UXS1: variants seen among roughly 807,000 people sequenced by gnomAD.
UXS1 encodes UDP-glucuronate decarboxylase 1.
A neutral mutation model predicts 62.6 loss-of-function variants in UXS1; 33 were observed. The observed-to-expected ratio is 0.53, with a 90% CI of 0.40 to 0.70. UXS1 has a LOEUF of 0.70. Ranked by LOEUF, UXS1 falls within the 30% of genes least tolerant of loss-of-function variation. UXS1 has a pLI of 0.00. For synonymous variants in UXS1, 213 were observed against 206.8 expected (o/e 1.03, Z -0.26); for missense variants, 434 against 556.3 (o/e 0.78, Z 2.21).
intron 1 of UXS1, among the ~76,000 whole-genome samples, chr2:106,171,133 C>T (rs990231438): frequency 6.6e-6 from 1 of 152,122 alleles, no homozygotes; most frequent in African/African-American, 2.4e-5. Context: ...CTTCATAGTT[C>T]TCATTATGTT....
At chr2:106,123,123 T>C in intron 8 of UXS1, 32 bp from the exon 9 acceptor site, 1 of 1,612,390 alleles carries the variant, frequency 6.2e-7, no homozygotes. Flanking sequence ...ACTGTTTTCA[T>C]CTTTCCTTTT....
intron 9 of UXS1, among the ~76,000 whole-genome samples, chr2:106,115,174 A>C (rs142735723): frequency 2.6e-5 from 4 of 152,296 alleles, no homozygotes; most frequent in Admixed American, 6.5e-5. Flanking sequence ...GGATTGGAGA[A>C]AGGTATTCCT....
intron 1 of UXS1, among the ~76,000 whole-genome samples, chr2:106,191,562 G>C (rs889458678): frequency 6.6e-6 from 1 of 152,206 alleles, no homozygotes; most frequent in African/African-American, 2.4e-5. Flanking sequence ...CATGTCGTGG[G>C]CTGCACCCCA....
At chr2:106,186,816 T>A (rs541370881) in intron 1 of UXS1, among the ~76,000 whole-genome samples, 1 of 151,666 alleles carries the variant, frequency 6.6e-6, no homozygotes, top group African/African-American at 2.4e-5. Flanking sequence ...AAACCCTGTC[T>A]CAAAAAAACA....
intron 5 of UXS1, among the ~76,000 whole-genome samples, chr2:106,151,556 G>A (rs1682018780): frequency 1.3e-5 from 2 of 152,156 alleles, no homozygotes; most frequent in South Asian, 2.1e-4. Context: ...GCACTTGCCA[G>A]CCTCCAGATC....
chr2:106,152,863 G>C (rs1682145587), intron 5 of UXS1, among the ~76,000 whole-genome samples: 1 of 130,284 alleles, frequency 7.7e-6, no homozygotes, highest in South Asian at 2.3e-4. Flanking sequence ...TCCATGCCAA[G>C]AGGGGCAAGG....
intron 3 of UXS1, 54 bp from the exon 4 acceptor site, chr2:106,163,764 C>A: frequency 1.7e-6 from 2 of 1,143,282 alleles, no homozygotes; most frequent in Middle Eastern, 2.1e-4. Context: ...GTTCTCAACC[C>A]CTTTCACCCC....
intron 10 of UXS1, among the ~76,000 whole-genome samples, chr2:106,112,442 G>T (rs533705347): frequency 6.6e-6 from 1 of 152,344 alleles, no homozygotes; most frequent in African/African-American, 2.4e-5. Flanking sequence ...GGCCATGGAG[G>T]GCAAGGTGAC....
intron 1 of UXS1, among the ~76,000 whole-genome samples, chr2:106,191,048 A>G (rs543237669): frequency 7.9e-4 from 120 of 152,058 alleles, no homozygotes; most frequent in African/African-American, 2.0e-3. Flanking sequence ...TTTCATTGAG[A>G]AAAAAAAGCC....
chr2:106,096,759 C>T lies in UXS1; in HGVS notation c.1105G>A (p.Asp369Asn). ...AGCATCAGCTTTGCTTTTTTGATGT[C>T]TGGTTTTCTTTTCTGTGGGTCATCC... ...AQDDPQKRKPDIKKAKLMLGW... is the reference protein window; with the variant it reads ...AQDDPQKRKPNIKKAKLMLGW... The change falls in exon 14 of 15, where the codon GAC becomes AAC. Residue 369 changes from aspartate to asparagine, a missense_variant. Physicochemically the swap from Asp to Asn is conservative, Grantham distance 23 (BLOSUM62 1). Transcript: ENST00000283148. 1 of 1,590,958 alleles carries T rather than the reference C, an allele frequency of 6.3e-7. No individual in the cohort carries two copies. The highest frequency in any genetic ancestry group is 8.6e-7 in the Non-Finnish European group (1 of 1,167,312).
chr2:106,138,854 C>T (rs1396428075), intron 6 of UXS1: 1 of 985,356 alleles, frequency 1.0e-6, no homozygotes, highest in Admixed American at 6.1e-5. Context: ...CTTCCTGTAA[C>T]ATTAACAATA....
chr2:106,156,187 A>G (rs1424222161), intron 5 of UXS1, among the ~76,000 whole-genome samples: 1 of 152,230 alleles, frequency 6.6e-6, no homozygotes, highest in East Asian at 1.9e-4. Context: ...ACTTAATTCA[A>G]TGATGAAAAG....
intron 5 of UXS1, among the ~76,000 whole-genome samples, chr2:106,152,563 GAAGGAAAGGAAGGA>G (rs1456453964): frequency 1.5e-5 from 1 of 68,404 alleles, no homozygotes. Flanking sequence ...AGAAAGAAAG[GAAGGAAAGGAAGGA>G]AAGGAAAGAA....
At chr2:106,096,616 C>T in intron 14 of UXS1, 102 bp downstream of exon 14, 2 of 1,057,004 alleles carry the variant, frequency 1.9e-6, no homozygotes, top group East Asian at 2.6e-5. Flanking sequence ...GCCCACCTTG[C>T]TCCTCCGGGG....
At chr2:106,190,738 T>C (rs1329789686) in intron 1 of UXS1, among the ~76,000 whole-genome samples, 3 of 58,496 alleles carry the variant, frequency 5.1e-5, no homozygotes, top group African/African-American at 2.0e-4. Flanking sequence ...AGCGAAACTC[T>C]GTATCAAAAA....
intron 1 of UXS1, among the ~76,000 whole-genome samples, chr2:106,170,767 G>C (rs1423418907): frequency 6.6e-6 from 1 of 152,224 alleles, no homozygotes; most frequent in Non-Finnish European, 1.5e-5. Flanking sequence ...CTTTAGTTTT[G>C]TGTAGAGTAG....
chr2:106,182,522 T>C (rs527902811), intron 1 of UXS1, among the ~76,000 whole-genome samples: 69 of 152,176 alleles, frequency 4.5e-4, no homozygotes, highest in Admixed American at 2.2e-3. Context: ...ATTTTAATAA[T>C]GGTTTTAAGC....
chr2:106,136,721 A>G (rs1680663233), intron 6 of UXS1, among the ~76,000 whole-genome samples: 1 of 54,438 alleles, frequency 1.8e-5, no homozygotes, highest in Non-Finnish European at 3.5e-5. Flanking sequence ...ATGAGATCAC[A>G]TGGACACAGG....
intron 13 of UXS1, 147 bp downstream of exon 13, chr2:106,098,569 G>T: frequency 1.5e-6 from 1 of 683,694 alleles, no homozygotes; most frequent in Non-Finnish European, 2.5e-6. Context: ...TTAAAAATTA[G>T]AAAACACTTA....
Sources: gnomAD v4.1 joint callset for allele counts (sites outside exome capture counted in the v4.1 genomes callset) on GRCh38, gnomAD v4.1.1 for gene constraint, MANE v1.5 for transcripts, NCBI Gene and HGNC (gene_info 2026-07-23, HGNC 2026-07-21) for gene names.